The following TEX9 variants were observed in gnomAD, a reference collection of about 807,000 sequenced individuals.
The protein encoded by TEX9 is testis expressed 9.
A neutral mutation model predicts 59.6 loss-of-function variants in TEX9; 74 were observed. The observed-to-expected ratio is 1.24, with a 90% confidence interval of 1.03 to 1.51. The LOEUF (loss-of-function observed/expected upper bound fraction) is 1.51, where lower values mean the gene tolerates loss of function less well. TEX9 is among the 40% of genes most tolerant of loss of function. The pLI, the probability that TEX9 is intolerant of heterozygous loss-of-function variation, is 0.00. For synonymous variants in TEX9, 186 were observed against 152.2 expected, an observed-to-expected ratio of 1.22 and a Z score of -1.64; for missense variants, 522 against 447.8, an observed-to-expected ratio of 1.17 and a Z score of -1.49.
chr15:56,321,099 G>C (rs2194942), intron 1 of TEX9, among the ~76,000 whole-genome samples: 4 of 152,108 alleles, frequency 2.6e-5, no homozygotes, highest in African/African-American at 4.8e-5. Context: ...TTTCCTACTT[G>C]TGGGAAACTC....
intron 6 of TEX9, among the ~76,000 whole-genome samples, chr15:56,390,488 A>C (rs1379927212): frequency 6.6e-6 from 1 of 152,030 alleles, no homozygotes; most frequent in African/African-American, 2.4e-5. Flanking sequence ...TACCCACAAA[A>C]AATTAAAATG....
exon 3 of TEX9, chr15:56,373,443 G>C: frequency 6.3e-7 from 1 of 1,588,642 alleles, no homozygotes; most frequent in South Asian, 1.2e-5. Context: ...GCTTTTAGGC[G>C]TTTAAATGCA....
intron 9 of TEX9, among the ~76,000 whole-genome samples, chr15:56,406,357 T>C (rs1465125913): frequency 6.6e-6 from 1 of 152,188 alleles, no homozygotes; most frequent in Non-Finnish European, 1.5e-5. Context: ...TGATCACCAG[T>C]TGATGTGACA....
chr15:56,419,890 G>A (rs1269597207), intron 10 of TEX9, among the ~76,000 whole-genome samples: 6 of 151,866 alleles, frequency 4.0e-5, no homozygotes, highest in East Asian at 1.9e-4. Context: ...AGGTAAAGCC[G>A]TCTGGGCCTG....
At chr15:56,306,683 A>G (rs2045493327) in intron 1 of TEX9, among the ~76,000 whole-genome samples, 2 of 152,232 alleles carry the variant, frequency 1.3e-5, no homozygotes, top group South Asian at 4.1e-4. Flanking sequence ...GTAGTATTTT[A>G]TAGTACAACA....
In TEX9 at chr15:56,424,971, A is replaced by C. The variant is rs747659247; in HGVS notation, c.964-2634A>C. Among the ~76,000 whole-genome samples the C allele has an allele frequency of 1.3e-5, 2 of 152,084 alleles. 1 individual carries two copies. The highest frequency in any genetic ancestry group is 2.9e-5 in the Non-Finnish European group (2 of 68,004). On this transcript the variant is annotated intron_variant, in intron 10 of 12. Transcript: ENST00000352903. ...TGAAGTTCCTCAGCTCTTATCTAGG[A>C]ATGTCTTAATTTCTTTTTCATTTTT... is the stretch of plus-strand genomic sequence containing the variant.
chr15:56,391,113 C>T, intron 6 of TEX9, 130 bp from the exon 7 acceptor site: 1 of 469,346 alleles, frequency 2.1e-6, no homozygotes, highest in Non-Finnish European at 3.5e-6. Context: ...TTACAGATTT[C>T]ATCATAAATT....
intron 1 of TEX9, among the ~76,000 whole-genome samples, chr15:56,313,269 A>G (rs1258382559): frequency 1.2e-4 from 2 of 16,736 alleles, no homozygotes; most frequent in East Asian, 3.4e-3. Flanking sequence ...TCAGTATGAT[A>G]TTGGCTGTGG....
intron 1 of TEX9, among the ~76,000 whole-genome samples, chr15:56,294,015 G>A (rs148484974): frequency 6.6e-5 from 10 of 152,354 alleles, no homozygotes; most frequent in Non-Finnish European, 1.5e-4. Flanking sequence ...GGTGTCATAA[G>A]TGAGGGCAGT....
At chr15:56,328,989 T>G (rs1216768484) in intron 1 of TEX9, among the ~76,000 whole-genome samples, 3 of 151,720 alleles carry the variant, frequency 2.0e-5, no homozygotes, top group Non-Finnish European at 4.4e-5. Flanking sequence ...GAGTGCTGTA[T>G]TGGCTTCAGG....
At chr15:56,443,416 T>G (rs2050851928) in intron 12 of TEX9, 1 of 1,529,084 alleles carries the variant, frequency 6.5e-7, no homozygotes, top group African/African-American at 1.4e-5. Context: ...ATTCTTTCCA[T>G]TTCTGAAACT....
At chr15:56,344,655 T>C (rs770390777) in intron 1 of TEX9, among the ~76,000 whole-genome samples, 3 of 152,124 alleles carry the variant, frequency 2.0e-5, no homozygotes, top group Admixed American at 1.3e-4. Context: ...TTGTGTATTA[T>C]ATACTCCAAT....
chr15:56,275,427 A>G (rs1220381996), intron 1 of TEX9, among the ~76,000 whole-genome samples: 1 of 152,152 alleles, frequency 6.6e-6, no homozygotes, highest in Non-Finnish European at 1.5e-5. Flanking sequence ...TTTCTAACGA[A>G]CACCTCATGA....
chr15:56,252,951 C>G (rs1437099125), intron 1 of TEX9, among the ~76,000 whole-genome samples: 1 of 151,990 alleles, frequency 6.6e-6, no homozygotes, highest in Admixed American at 6.6e-5. Flanking sequence ...ATAGTAAAAG[C>G]CAAATAAATT....
chr15:56,320,755 T>G (rs1307361330), intron 1 of TEX9, among the ~76,000 whole-genome samples: 2 of 152,118 alleles, frequency 1.3e-5, no homozygotes. Context: ...GAGTAAAAAA[T>G]GTGCTATGAT....
At chr15:56,297,931 C>T (rs545160267) in intron 1 of TEX9, among the ~76,000 whole-genome samples, 242 of 152,330 alleles carry the variant, frequency 1.6e-3, no homozygotes, top group Non-Finnish European at 2.6e-3. Flanking sequence ...TCTGGGGAAA[C>T]ATTTTACACA....
chr15:56,446,726 T>C (rs148878182), downstream of TEX9: 1 of 713,490 alleles, frequency 1.4e-6, no homozygotes, highest in African/African-American at 1.8e-5. Flanking sequence ...TTTACAAATA[T>C]TTAAGAAATC....
chr15:56,282,799 A>C (rs984087268), intron 1 of TEX9, among the ~76,000 whole-genome samples: 8 of 152,152 alleles, frequency 5.3e-5, no homozygotes, highest in Admixed American at 1.3e-4. Context: ...TTGATATTGC[A>C]AAGTGAGGGA....
At position 56,331,313 on chromosome 15, in the gene TEX9, T is replaced by C. The variant is rs537050803; in HGVS notation, c.-106-42128T>C. The stretch of plus-strand genomic sequence containing the variant: ...CTGTGGACCAAGTACACCTAATAGA[T>C]ATTTACAGAACATTTCATCCAAGGG... On this transcript the variant is annotated intron_variant, in intron 1 of 5. Coordinates refer to the TEX9 transcript ENST00000560827. Among the ~76,000 whole-genome samples the C allele has an allele frequency of 2.0e-5, 3 of 152,278 alleles. No homozygotes were observed. In the East Asian group the frequency reaches 5.8e-4, roughly 29 times the overall value.
Sources: gnomAD v4.1 joint callset for allele counts (sites outside exome capture counted in the v4.1 genomes callset) on GRCh38, gnomAD v4.1.1 for gene constraint, MANE v1.5 for transcripts, NCBI Gene and HGNC (gene_info 2026-07-23, HGNC 2026-07-21) for gene names.